Variants in ZFHX3 observed in about 807,000 individuals in gnomAD.
The protein encoded by ZFHX3 is zinc finger homeobox 3.
ZFHX3 carries 42 observed loss-of-function variants against 279.1 expected under a neutral mutation model. The observed-to-expected ratio is 0.15, with a 90% confidence interval of 0.12 to 0.19. ZFHX3 has a LOEUF of 0.19. Ranked by LOEUF, ZFHX3 falls within the 10% of genes least tolerant of loss-of-function variation. The pLI, the probability that ZFHX3 is intolerant of heterozygous loss-of-function variation, is 1.00. For missense variants in ZFHX3, 4,981 were observed against 4,754.0 expected, an observed-to-expected ratio of 1.05 and a Z score of -1.40; for synonymous variants, 2,293 against 1,957.8, an observed-to-expected ratio of 1.17 and a Z score of -4.52.
intron 4 of ZFHX3, among the ~76,000 whole-genome samples, chr16:73,290,949 A>T (rs2014753557): frequency 6.6e-6 from 1 of 152,250 alleles, no homozygotes; most frequent in Non-Finnish European, 1.5e-5. Flanking sequence ...GGCCTTGGGA[A>T]AAAACATCAT....
intron 8 of ZFHX3, among the ~76,000 whole-genome samples, chr16:73,076,163 AG>A (rs975380978): frequency 3.3e-5 from 5 of 152,170 alleles, no homozygotes; most frequent in Non-Finnish European, 7.3e-5. Context: ...TGGCACATGG[AG>A]GGGGGTCAAT....
chr16:72,944,973 CA>C (rs1205561712), intron 3 of ZFHX3, among the ~76,000 whole-genome samples: 1 of 151,804 alleles, frequency 6.6e-6, no homozygotes, highest in Non-Finnish European at 1.5e-5. Flanking sequence ...TCAATAGGCA[CA>C]ACTAATAAGA....
chr16:72,967,477 A>C (rs779523942), intron 1 of ZFHX3, among the ~76,000 whole-genome samples: 1 of 152,206 alleles, frequency 6.6e-6, no homozygotes, highest in Non-Finnish European at 1.5e-5. Flanking sequence ...GTGTGGGAGA[A>C]AGGAAAGTTC....
At chr16:73,652,239 C>A (rs1473792159) in intron 2 of ZFHX3, among the ~76,000 whole-genome samples, 1 of 152,150 alleles carries the variant, frequency 6.6e-6, no homozygotes, top group Non-Finnish European at 1.5e-5. Flanking sequence ...TGGGCAGGAG[C>A]TTATGTGCTA....
intron 3 of ZFHX3, among the ~76,000 whole-genome samples, chr16:73,427,326 C>T (rs559944152): frequency 6.6e-6 from 1 of 152,182 alleles, no homozygotes; most frequent in East Asian, 1.9e-4. Flanking sequence ...CACCATCATT[C>T]TGGGGCCCTC....
At chr16:73,642,101 G>C (rs2052578672) in intron 2 of ZFHX3, among the ~76,000 whole-genome samples, 1 of 152,132 alleles carries the variant, frequency 6.6e-6, no homozygotes, top group South Asian at 2.1e-4. Flanking sequence ...GTGGCCTCGA[G>C]GACATCAGGT....
At chr16:73,187,342 A>AT (rs11437976) in intron 5 of ZFHX3, among the ~76,000 whole-genome samples, 46,684 of 147,594 alleles carry the variant, frequency 0.32, 7,268 homozygotes, top group Admixed American at 0.38. Flanking sequence ...GTAAAGAGGG[A>AT]TTTTTTTTTT....
chr16:73,586,265 T>C (rs1760480920), intron 2 of ZFHX3, among the ~76,000 whole-genome samples: 1 of 150,300 alleles, frequency 6.7e-6, no homozygotes. Context: ...GGCACATGCC[T>C]GTAATCCCAG....
intron 2 of ZFHX3, among the ~76,000 whole-genome samples, chr16:73,467,962 C>T (rs1437852143): frequency 3.3e-5 from 5 of 152,146 alleles, no homozygotes; most frequent in African/African-American, 9.7e-5. Context: ...TCAGAGCTCT[C>T]CTAAAGGCTG....
At chr16:72,884,297 T>A (rs1158805150) in intron 4 of ZFHX3, among the ~76,000 whole-genome samples, 1 of 152,190 alleles carries the variant, frequency 6.6e-6, no homozygotes, top group African/African-American at 2.4e-5. Flanking sequence ...TTCGCTACTA[T>A]GAATGCCAAA....
rs185215533 is a variant in ZFHX3, at chr16:73,036,364, C to T, written c.-50+11388G>A. Among the ~76,000 whole-genome samples, 29 of 152,298 alleles carry T rather than the reference C, an allele frequency of 1.9e-4. No homozygotes were observed. In the South Asian group the frequency reaches 3.3e-3, roughly 17 times the overall value. ...CGGTCCAGAGGCACACAATTACAGC[C>T]ATTTGCATTCCTCCAGCAGCCGGAT... On this transcript the variant is annotated intron_variant, in intron 1 of 9. Transcript: ENST00000268489.
intron 2 of ZFHX3, among the ~76,000 whole-genome samples, chr16:72,955,580 A>C (rs1488927724): frequency 1.3e-5 from 2 of 152,076 alleles, no homozygotes; most frequent in Non-Finnish European, 2.9e-5. Context: ...AGGGTTTGAG[A>C]CCAGCCTGGC....
chr16:73,443,111 A>G (rs1412803707), intron 3 of ZFHX3, among the ~76,000 whole-genome samples: 1 of 152,218 alleles, frequency 6.6e-6, no homozygotes, highest in Non-Finnish European at 1.5e-5. Context: ...ATTTCAACAC[A>G]TGACTTTTCA....
At chr16:73,487,447 G>C (rs1251487878) in intron 2 of ZFHX3, 2 of 439,318 alleles carry the variant, frequency 4.6e-6, no homozygotes, top group African/African-American at 4.1e-5. Flanking sequence ...CTGTTGCCCA[G>C]GCTGGAGTGC....
chr16:73,315,162 A>G (rs1225102148), intron 4 of ZFHX3, among the ~76,000 whole-genome samples: 1 of 151,882 alleles, frequency 6.6e-6, no homozygotes, highest in Non-Finnish European at 1.5e-5. Context: ...TGGGAGTTGC[A>G]GTGAGCACCA....
chr16:73,770,472 C>T (rs1357995502), intron 1 of ZFHX3, among the ~76,000 whole-genome samples: 1 of 152,176 alleles, frequency 6.6e-6, no homozygotes, highest in Non-Finnish European at 1.5e-5. Flanking sequence ...TTTGTTACAA[C>T]CACCACAGAA....
intron 5 of ZFHX3, among the ~76,000 whole-genome samples, chr16:73,210,302 C>A (rs1000154068): frequency 6.6e-6 from 1 of 152,140 alleles, no homozygotes; most frequent in Non-Finnish European, 1.5e-5. Context: ...CCTCCCCATA[C>A]AAACGGCAAG....
chr16:72,957,555 T>C lies in ZFHX3; in HGVS notation c.2591A>G (p.Tyr864Cys), dbSNP rs1961310262. The C allele has an allele frequency of 1.9e-6, 3 of 1,613,988 alleles. No individual in the cohort carries two copies. The highest frequency in any genetic ancestry group is 2.5e-6 in the Non-Finnish European group (3 of 1,180,034). The change falls in exon 2 of 10, where the codon TAC becomes TGC. Residue 864 changes from tyrosine (Y) to cysteine (C), a missense_variant. Around this residue, in one of 7 missense-constraint regions of ZFHX3, gnomAD observed 1,751 missense variants for 1,770.0 expected, o/e 0.99. Coordinates refer to ENST00000268489, the MANE Select transcript of ZFHX3 (RefSeq NM_006885.4). ...CAGGTTCATGTTCTGGGCCAGGTAG[T>C]ATTGGTAGAGCTCGGCCTCGGCGGG... ...PSPAEAELYQYYLAQNMNLPN... is the reference protein window; with the variant it reads ...PSPAEAELYQCYLAQNMNLPN...
At chr16:72,930,717 T>C (rs1959744952) in intron 3 of ZFHX3, among the ~76,000 whole-genome samples, 1 of 152,140 alleles carries the variant, frequency 6.6e-6, no homozygotes, top group South Asian at 2.1e-4. Context: ...TAAAACCTAC[T>C]ACGGAAGAAA....
Sources: gnomAD v4.1 joint callset for allele counts (sites outside exome capture counted in the v4.1 genomes callset) on GRCh38, gnomAD v4.1.1 for gene constraint, gnomAD v4.1.1 regional missense constraint, MANE v1.5 for transcripts, NCBI Gene and HGNC (gene_info 2026-07-23, HGNC 2026-07-21) for gene names.